DUOXA1: variants seen among roughly 807,000 people sequenced by gnomAD.
DUOXA1 encodes the protein dual oxidase activator 1.
In DUOXA1, 19 loss-of-function variants were observed where a neutral mutation model predicts 26.6. That is an observed-to-expected ratio of 0.71 (90% CI 0.50 to 1.05). The LOEUF is 1.05. Ranked by LOEUF, DUOXA1 falls within the 50% of genes least tolerant of loss-of-function variation. The probability of loss-of-function intolerance (pLI) is 0.00; values close to 1 mark genes in which losing one functional copy is unlikely to be tolerated. For missense variants in DUOXA1, 403 were observed against 427.5 expected (o/e 0.94, Z 0.51); for synonymous variants, 166 against 177.0 (o/e 0.94, Z 0.49).
chr15:45,121,007 T>C, intron 6 of DUOXA1, 80 bp downstream of exon 6: 3 of 1,594,802 alleles, frequency 1.9e-6, no homozygotes, highest in South Asian at 2.3e-5. Context: ...AGGCATCCTA[T>C]AGCTCTTTGA....
At chr15:45,121,044 G>A (rs1285738083) in intron 6 of DUOXA1, 43 bp downstream of exon 6, 1 of 1,612,598 alleles carries the variant, frequency 6.2e-7, no homozygotes, top group Non-Finnish European at 8.5e-7. Flanking sequence ...TCCCAAAGAT[G>A]GCAGAGCCTT....
intron 3 of DUOXA1, among the ~76,000 whole-genome samples, chr15:45,126,017 A>G (rs756154431): frequency 2.6e-5 from 4 of 151,928 alleles, no homozygotes; most frequent in Admixed American, 6.6e-5. Context: ...TTTTTATTCT[A>G]TTGTCTTTGT....
chr15:45,118,291 C>A lies in DUOXA1; in HGVS notation c.*815G>T, dbSNP rs1894822669. On this transcript the variant is annotated 3_prime_UTR_variant, in exon 9 of 9. Coordinates refer to ENST00000560572, the MANE Select transcript of DUOXA1 (RefSeq NM_001276266.2). Reference sequence around the variant, plus strand: ...GGAGGGACCCTACCAGAGCTAGCATCTTTCTGAACCACCCCAGGGGGACGT... The same window carrying A: ...GGAGGGACCCTACCAGAGCTAGCATATTTCTGAACCACCCCAGGGGGACGT... 3.8e-6 allele frequency: 5 copies of A among 1,323,122 alleles called. No homozygotes were observed. Among genetic ancestry groups the A allele is most frequent in the Admixed American group, 3.7e-5 (1 of 27,130 alleles). 82.0% of individuals were successfully genotyped at this position (1,323,122 alleles called of 1,614,324 possible).
At position 45,120,593 on chromosome 15, in the gene DUOXA1, A is replaced by G; in HGVS notation, c.553T>C (p.Trp185Arg). Residue 185 changes from tryptophan to arginine, a missense_variant and splice_region_variant, in exon 7 of 9, where the codon TGG (tryptophan) becomes CGG (arginine). Physicochemically the swap from Trp to Arg is moderately radical, Grantham distance 101. Coordinates refer to ENST00000560572, the MANE Select transcript of DUOXA1 (RefSeq NM_001276266.2). Reference protein sequence around the residue: ...LAGHYTSAMLWVAFLCWLLAN... With the variant: ...LAGHYTSAMLRVAFLCWLLAN... ...ACCCCGTCTCCTTCCCATCCTCACC[A>G]TAGCATGGCTGAGGTGTAGTGTCCC... The G allele has an allele frequency of 1.2e-6, 2 of 1,613,816 alleles. No individual in the cohort carries two copies. Among genetic ancestry groups the G allele is most frequent in the Non-Finnish European group, 1.7e-6 (2 of 1,179,714 alleles).
intron 3 of DUOXA1, among the ~76,000 whole-genome samples, chr15:45,124,059 A>G (rs1451842671): frequency 6.6e-6 from 1 of 152,048 alleles, no homozygotes; most frequent in East Asian, 1.9e-4. Flanking sequence ...AAAAAAATGC[A>G]TCTTAGAGTC....
rs1202774968 is a variant in DUOXA1 at position 45,119,239 on chromosome 15, C to A, written c.899G>T (p.Gly300Val). The A allele has an allele frequency of 7.4e-6, 12 of 1,614,036 alleles. No individual in the cohort carries two copies. The highest frequency in any genetic ancestry group is 1.0e-5 in the Non-Finnish European group (12 of 1,180,010). Residue 300 changes from glycine (G) to valine (V), a missense_variant, in exon 9 of 9, where the codon GGT becomes GTT. Physicochemically the swap from Gly to Val is moderately radical, Grantham distance 109. Coordinates refer to ENST00000560572, the MANE Select transcript of DUOXA1 (RefSeq NM_001276266.2). The part of the protein sequence containing the change: ...DPMLEWSPEE[G>V]GLLSPRYRSM... ...CCGGTAGCGGGGGCTCAGGAGTCCA[C>A]CTTCCTCAGGACTCCACTCCAGCAT...
In DUOXA1 at chr15:45,120,188, T is replaced by C. The variant is rs1566989531; in HGVS notation, c.687A>G (p.Ser229=). ...GGTGCAGGGGACAGGGTGAGGTGAG[T>C]GATGTGGCCATGGAGAAGAAGAGCA... The part of the protein sequence containing the change: ...LALLFFSMAT[S]LTSPCPLHLG... The change falls in exon 8 of 9, where the codon TCA becomes TCG. Residue 229 remains serine, a synonymous_variant. Coordinates refer to ENST00000560572, the MANE Select transcript of DUOXA1 (RefSeq NM_001276266.2). 4 of 1,613,372 alleles carry C rather than the reference T, an allele frequency of 2.5e-6. No individual in the cohort carries two copies. The highest frequency in any genetic ancestry group is 3.3e-4 in the Middle Eastern group (2 of 6,060).
At chr15:45,120,884 C>T in intron 6 of DUOXA1, 79 bp from the exon 7 acceptor site, 1 of 1,535,048 alleles carries the variant, frequency 6.5e-7, no homozygotes, top group Non-Finnish European at 9.0e-7. Context: ...CCACACTGGG[C>T]AGAGGGACAG....
chr15:45,119,710 G>A (rs1294050808), intron 8 of DUOXA1, among the ~76,000 whole-genome samples: 1 of 152,276 alleles, frequency 6.6e-6, no homozygotes, highest in Non-Finnish European at 1.5e-5. Flanking sequence ...AGTAGACAGC[G>A]GGACAGGAGA....
In DUOXA1 at chr15:45,122,994, T is replaced by G. The variant is rs768124430; in HGVS notation, c.21A>C (p.Thr7=). Residue 7 remains threonine, a synonymous_variant, in exon 4 of 9, where the codon ACA becomes ACC. Transcript: ENST00000560572. ...GCTTGGGGCCAGCATAGAAGGGGAA[T>G]GTGTGTCCCAAAGTAGCCATCTTGG... The part of the protein sequence containing the change: MATLGH[T]FPFYAGPKPT... The G allele has an allele frequency of 2.5e-6, 4 of 1,611,472 alleles. No homozygotes were observed. The highest frequency in any genetic ancestry group is 3.4e-6 in the Non-Finnish European group (4 of 1,178,792).
chr15:45,120,817 G>C lies in DUOXA1; in HGVS notation c.341-12C>G. The C allele has an allele frequency of 6.2e-7, 1 of 1,613,884 alleles. No homozygotes were observed. Among genetic ancestry groups the C allele is most frequent in the African/African-American group, 1.3e-5 (1 of 75,004 alleles). On this transcript the variant is annotated splice_polypyrimidine_tract_variant and intron_variant, in intron 6 of 8. Coordinates refer to ENST00000560572, the MANE Select transcript of DUOXA1 (RefSeq NM_001276266.2). ...CTGCACGGGGGTCCCTAGGGCACAA[G>C]GCAGCTCTGCTCAGCAGGAACCCAA...
chr15:45,118,091 T>C lies in DUOXA1; in HGVS notation c.*1015A>G, dbSNP rs954447259. On this transcript the variant is annotated 3_prime_UTR_variant, in exon 9 of 9. Transcript: ENST00000560572. ...CGATCTGTAAATAAACCTTTTTTTC[T>C]TTTGTTTTTTAAAAACTGTTTTTCC... 1 of 1,511,130 alleles carries C rather than the reference T, an allele frequency of 6.6e-7. No homozygotes were observed. Among genetic ancestry groups the C allele is most frequent in the South Asian group, 1.3e-5 (1 of 77,064 alleles). 93.6% of individuals were successfully genotyped at this position (1,511,130 alleles called of 1,614,324 possible).
chr15:45,120,000 TG>T, intron 8 of DUOXA1, 102 bp downstream of exon 8: 1 of 1,365,524 alleles, frequency 7.3e-7, no homozygotes, highest in Non-Finnish European at 1.0e-6. Flanking sequence ...AAAGCCATCC[TG>T]GCCTCCAGGA....
chr15:45,120,912 G>C lies in DUOXA1; in HGVS notation c.341-107C>G, dbSNP rs1236880238. 1.1e-5 allele frequency: 17 copies of C among 1,494,990 alleles called. No homozygotes were observed. In the East Asian group the frequency reaches 3.6e-4, roughly 32 times the overall value. The allele number at this position is 1,494,990 out of a possible 1,614,324, so 92.6% of individuals were successfully genotyped here. On this transcript the variant is annotated intron_variant, in intron 6 of 8. Transcript: ENST00000560572. ...AGGGACAGGAAGTGGTCTCAACTGA[G>C]AGAAGGTAGCTTCCAAGGCCCTGAA...
At position 45,120,402 on chromosome 15, in the gene DUOXA1, G is replaced by C. The variant is rs112792333; in HGVS notation, c.555-82C>G. On this transcript the variant is annotated intron_variant, in intron 7 of 8. Transcript: ENST00000560572. ...TTGGATGGGCCCAGGCGGAGGTTCA[G>C]GGACCCAAGAGTGACCCAAAGATAT... The C allele has an allele frequency of 2.5e-4, 385 of 1,563,716 alleles. 3 individuals carry two copies. The highest frequency in any genetic ancestry group is 2.4e-3 in the African/African-American group (175 of 73,966).
chr15:45,120,413 G>T, intron 7 of DUOXA1, 93 bp from the exon 8 acceptor site: 1 of 1,519,696 alleles, frequency 6.6e-7, no homozygotes, highest in Non-Finnish European at 9.1e-7. Context: ...GGACCCAAGA[G>T]TGACCCAAAG....
At position 45,118,212 on chromosome 15, in the gene DUOXA1, A is replaced by T; in HGVS notation, c.*894T>A. ...TAGTACACTCTCCGCAGTGCTGTGAAACCTGATTCTCTGCGTCGACTCCAG... is the reference window on the plus strand; with the variant it reads ...TAGTACACTCTCCGCAGTGCTGTGATACCTGATTCTCTGCGTCGACTCCAG... On this transcript the variant is annotated 3_prime_UTR_variant, in exon 9 of 9. Transcript: ENST00000560572. 7.1e-7 allele frequency: 1 copy of T among 1,414,744 alleles called. No homozygotes were observed. The highest frequency in any genetic ancestry group is 2.6e-5 in the East Asian group (1 of 38,816). 87.6% of individuals were successfully genotyped at this position (1,414,744 alleles called of 1,614,324 possible). A position where few individuals can be genotyped will look rare whatever the true frequency, so the allele number is the denominator to read the frequency against.
chr15:45,117,722 T>C lies in DUOXA1; in HGVS notation c.*1384A>G. ...TCGATCCCCACCGCCACAGGCGTCCTGTGCCTCTTCCTCGGAGGGGCCGTG... is the reference window on the plus strand; with the variant it reads ...TCGATCCCCACCGCCACAGGCGTCCCGTGCCTCTTCCTCGGAGGGGCCGTG... On this transcript the variant is annotated 3_prime_UTR_variant, in exon 9 of 9. Transcript: ENST00000560572. The C allele has an allele frequency of 6.2e-7, 1 of 1,613,164 alleles. No homozygotes were observed. Among genetic ancestry groups the C allele is most frequent in the South Asian group, 1.1e-5 (1 of 91,064 alleles).
At chr15:45,128,659 A>T (rs1449397358) in intron 3 of DUOXA1, among the ~76,000 whole-genome samples, 2 of 152,192 alleles carry the variant, frequency 1.3e-5, no homozygotes, top group Non-Finnish European at 2.9e-5. Context: ...AGATCTGAAA[A>T]GTGGATTGGA....
Sources: allele counts gnomAD v4.1 joint callset (sites outside exome capture counted in the v4.1 genomes callset), GRCh38; gene constraint gnomAD v4.1.1; transcripts MANE v1.5; gene names NCBI Gene and HGNC (gene_info 2026-07-23, HGNC 2026-07-21).